The following NEK1 variants were observed in gnomAD, a reference collection of about 807,000 sequenced individuals.
NEK1 encodes the protein NIMA related kinase 1.
A neutral mutation model predicts 182.1 loss-of-function variants in NEK1; 137 were observed. The observed-to-expected ratio is 0.75, with a 90% CI of 0.65 to 0.87. The LOEUF (loss-of-function observed/expected upper bound fraction) is 0.87, where lower values mean the gene tolerates loss of function less well. NEK1 is among the 40% of genes least tolerant of loss of function. The probability of loss-of-function intolerance (pLI) is 0.00; values close to 1 mark genes in which losing one functional copy is unlikely to be tolerated. For synonymous variants in NEK1, 513 were observed against 492.2 expected (o/e 1.04, Z -0.56); for missense variants, 1,391 against 1,494.4 (o/e 0.93, Z 1.14).
At chr4:169,593,982 C>A (rs1377770654) in intron 5 of NEK1, among the ~76,000 whole-genome samples, 1 of 149,232 alleles carries the variant, frequency 6.7e-6, no homozygotes, top group African/African-American at 2.5e-5. Context: ...GAGTGAGACT[C>A]CGTCTCAAAA....
chr4:169,542,481 T>C (rs1371015054), intron 18 of NEK1, among the ~76,000 whole-genome samples: 3 of 152,252 alleles, frequency 2.0e-5, no homozygotes, highest in African/African-American at 7.2e-5. Flanking sequence ...TGTGTCTTTA[T>C]AGCAGAATGA....
intron 19 of NEK1, among the ~76,000 whole-genome samples, chr4:169,514,042 G>A (rs1754670283): frequency 6.6e-6 from 1 of 151,520 alleles, no homozygotes; most frequent in Admixed American, 6.6e-5. Flanking sequence ...CTGGAGTACA[G>A]TGGTGCAATC....
chr4:169,418,232 C>T (rs1017687165), intron 31 of NEK1, among the ~76,000 whole-genome samples: 14 of 152,152 alleles, frequency 9.2e-5, no homozygotes, highest in Non-Finnish European at 1.9e-4. Flanking sequence ...CAACTTTACA[C>T]TTGTCCTAGC....
At chr4:169,548,424 C>G (rs968202545) in intron 18 of NEK1, among the ~76,000 whole-genome samples, 21 of 151,280 alleles carry the variant, frequency 1.4e-4, no homozygotes, top group Admixed American at 2.0e-4. Context: ...GAGGTGTCTC[C>G]CAGTCAGGAT....
At chr4:169,426,905 G>C (rs1736497096) in intron 29 of NEK1, among the ~76,000 whole-genome samples, 1 of 151,866 alleles carries the variant, frequency 6.6e-6, no homozygotes, top group African/African-American at 2.4e-5. Context: ...ACCCTCAAAG[G>C]GAGGGGATTA....
chr4:169,573,992 C>G lies in NEK1; in HGVS notation c.1020+2936G>C, dbSNP rs72692960. The stretch of plus-strand genomic sequence containing the variant: ...CCTGGGTAACATAGTGCAACCCCAC[C>G]ACTACAAAAAATAAAAAATTAGCTG... On this transcript the variant is annotated intron_variant, in intron 12 of 35. Transcript: ENST00000507142. Among the ~76,000 whole-genome samples, 600 of 152,066 alleles carry G rather than the reference C, an allele frequency of 3.9e-3. 5 individuals are homozygous for G. The highest frequency in any genetic ancestry group is 0.03 in the South Asian group (144 of 4,812).
intron 23 of NEK1, among the ~76,000 whole-genome samples, chr4:169,500,761 G>T (rs768825102): frequency 6.6e-6 from 1 of 152,138 alleles, no homozygotes; most frequent in Non-Finnish European, 1.5e-5. Context: ...ATGCTTAAAG[G>T]AGTTCTAAAC....
chr4:169,559,808 G>A (rs1762643321), intron 16 of NEK1, among the ~76,000 whole-genome samples: 4 of 152,082 alleles, frequency 2.6e-5, no homozygotes, highest in Admixed American at 6.5e-5. Flanking sequence ...TCGGGAGTTC[G>A]AGACCAGCCT....
At chr4:169,418,827 T>C (rs1312693444) in intron 31 of NEK1, among the ~76,000 whole-genome samples, 1 of 152,072 alleles carries the variant, frequency 6.6e-6, no homozygotes, top group Non-Finnish European at 1.5e-5. Flanking sequence ...AAATATTTAA[T>C]TGAAATAATA....
chr4:169,407,276 T>C lies in NEK1; in HGVS notation c.3223-529A>G, dbSNP rs189939743. On this transcript the variant is annotated intron_variant, in intron 31 of 35. Coordinates refer to ENST00000507142, the MANE Select transcript of NEK1 (RefSeq NM_001199397.3). Reference sequence around the variant, plus strand: ...GCCCAAATGCTGCAGCATGTTAGTCTGAAGTTTGGCTAAGCACCACCACAC... The same window carrying C: ...GCCCAAATGCTGCAGCATGTTAGTCCGAAGTTTGGCTAAGCACCACCACAC... 2.0e-3 allele frequency among the ~76,000 whole-genome samples: 311 copies of C among 152,348 alleles called. 1 individual carries two copies. The highest frequency in any genetic ancestry group is 7.0e-3 in the African/African-American group (292 of 41,570).
At chr4:169,416,770 T>C (rs1734613237) in intron 31 of NEK1, among the ~76,000 whole-genome samples, 1 of 152,096 alleles carries the variant, frequency 6.6e-6, no homozygotes, top group African/African-American at 2.4e-5. Context: ...CCAGATATGG[T>C]GAAGCATGCC....
intron 30 of NEK1, among the ~76,000 whole-genome samples, chr4:169,425,574 T>C (rs149515674): frequency 5.3e-5 from 8 of 152,280 alleles, no homozygotes; most frequent in African/African-American, 1.7e-4. Flanking sequence ...TTTTAAGAAA[T>C]AGGTCTTGGT....
At chr4:169,605,114 C>T (rs1771120479) in intron 2 of NEK1, among the ~76,000 whole-genome samples, 1 of 152,154 alleles carries the variant, frequency 6.6e-6, no homozygotes, top group Non-Finnish European at 1.5e-5. Context: ...AATGAGATTA[C>T]TTCACAATCA....
At chr4:169,442,816 T>C (rs978111003) in intron 27 of NEK1, among the ~76,000 whole-genome samples, 2 of 152,182 alleles carry the variant, frequency 1.3e-5, no homozygotes, top group African/African-American at 2.4e-5. Context: ...GAAGGACCGC[T>C]TGCAGCCAGG....
intron 2 of NEK1, among the ~76,000 whole-genome samples, 151 bp from the exon 3 acceptor site, chr4:169,602,829 A>G (rs916391136): frequency 1.3e-5 from 2 of 152,164 alleles, no homozygotes; most frequent in African/African-American, 4.8e-5. Flanking sequence ...TACACTTTAT[A>G]TACTTTACTA....
intron 19 of NEK1, among the ~76,000 whole-genome samples, chr4:169,510,126 T>G (rs1753940699): frequency 2.0e-5 from 3 of 152,298 alleles, no homozygotes; most frequent in Admixed American, 2.0e-4. Flanking sequence ...CAGGCTTTTC[T>G]CTCCTTGGCT....
chr4:169,549,057 G>A (rs762835985), intron 18 of NEK1, among the ~76,000 whole-genome samples: 8 of 152,154 alleles, frequency 5.3e-5, no homozygotes, highest in Non-Finnish European at 8.8e-5. Context: ...CTGCCCAAAC[G>A]GCAGCCCAGT....
chr4:169,431,542 A>G (rs1255254310), intron 29 of NEK1, among the ~76,000 whole-genome samples: 1 of 152,166 alleles, frequency 6.6e-6, no homozygotes, highest in Non-Finnish European at 1.5e-5. Context: ...GAAAAAATGT[A>G]TACAAACAGA....
intron 31 of NEK1, among the ~76,000 whole-genome samples, chr4:169,407,090 G>T (rs1579344298): frequency 6.6e-6 from 1 of 152,038 alleles, no homozygotes; most frequent in Non-Finnish European, 1.5e-5. Flanking sequence ...GTTTATTTAG[G>T]TATAAACATG....
Sources: allele counts gnomAD v4.1 joint callset (sites outside exome capture counted in the v4.1 genomes callset), GRCh38; gene constraint gnomAD v4.1.1; transcripts MANE v1.5; gene names NCBI Gene and HGNC (gene_info 2026-07-23, HGNC 2026-07-21).